KTN1: variants seen among roughly 807,000 people sequenced by gnomAD.
The protein encoded by KTN1 is kinectin 1.
Under a neutral mutation model 222.5 loss-of-function variants are expected in KTN1, and 130 were observed. That is an observed-to-expected ratio of 0.58 (90% CI 0.51 to 0.68). The LOEUF is 0.68. KTN1 is among the 30% of genes least tolerant of loss of function. KTN1 has a pLI of 0.00. For synonymous variants in KTN1, 512 were observed against 496.3 expected, an observed-to-expected ratio of 1.03 and a Z score of -0.42; for missense variants, 1,508 against 1,500.4, an observed-to-expected ratio of 1.01 and a Z score of -0.08.
chr14:55,616,955 A>G (rs768989992), intron 3 of KTN1, among the ~76,000 whole-genome samples: 14 of 152,230 alleles, frequency 9.2e-5, no homozygotes, highest in African/African-American at 1.7e-4. Context: ...GAAGAAAAAC[A>G]TTCTTGAAAT....
intron 1 of KTN1, 92 bp downstream of exon 1, chr14:55,580,446 AGGGCCGCGCCGGGCGGGG>A (rs1042853603): frequency 6.2e-5 from 9 of 145,328 alleles, no homozygotes; most frequent in Non-Finnish European, 9.2e-5. Flanking sequence ...GGCAGGCGGG[AGGGCCGCGCCGGGCGGGG>A]GGGCGCGGCC....
Position 55,667,250 on chromosome 14 carries a change from C to T in KTN1, c.3187C>T (p.Gln1063Ter). ...KVNKTSKERQ[Q>*]QVEAVELEAK... is the part of the protein sequence containing the mutation. ...TCATCTTCTGCTTTAGGAAAGGCAG[C>T]AACAGGTGGAAGCTGTTGAGTTGGA... is the stretch of plus-strand genomic sequence containing the variant. The change falls in exon 34 of 44, where the codon CAA becomes TAA. Residue 1063 changes from glutamine (Q) to a stop codon, truncating the protein, a stop_gained. Transcript: ENST00000395314. LOFTEE classifies it high-confidence loss of function. 6.3e-7 allele frequency: 1 copy of T among 1,596,966 alleles called. No individual in the cohort carries two copies.
rs149142570 is a variant in KTN1 at position 55,651,511 on chromosome 14, A to C, written c.2566-379A>C. ...GAGGTGTGTGGAGAGTTAATATTCT[A>C]ATTTTCAGTACTGTAGAAGTATGAC... On this transcript the variant is annotated intron_variant, in intron 24 of 43. Transcript: ENST00000395314. 3.2e-5 allele frequency: 12 copies of C among 378,988 alleles called. No individual in the cohort carries two copies. In the East Asian group the frequency reaches 6.9e-4, roughly 22 times the overall value. 23.5% of individuals were successfully genotyped at this position (378,988 alleles called of 1,614,324 possible).
At chr14:55,629,537 T>C (rs2040273289) in intron 6 of KTN1, among the ~76,000 whole-genome samples, 1 of 152,188 alleles carries the variant, frequency 6.6e-6, no homozygotes, top group Admixed American at 6.5e-5. Flanking sequence ...CCCTATTTTT[T>C]TCCCTTAGGA....
At position 55,640,020 on chromosome 14, in the gene KTN1, A is replaced by T; in HGVS notation, c.1914+17A>T. On this transcript the variant is annotated intron_variant, in intron 14 of 43. Transcript: ENST00000395314. ...GAACTTAAGGTATAGTAATTTGTATAAATGGCTGCAATATTTTACAGAACT... is the reference window on the plus strand; with the variant it reads ...GAACTTAAGGTATAGTAATTTGTATTAATGGCTGCAATATTTTACAGAACT... 7.3e-7 allele frequency: 1 copy of T among 1,375,680 alleles called. No individual in the cohort carries two copies. The highest frequency in any genetic ancestry group is 1.0e-6 in the Non-Finnish European group (1 of 967,370). The allele number at this position is 1,375,680 out of a possible 1,614,324, so 85.2% of individuals were successfully genotyped here. A position where few individuals can be genotyped will look rare whatever the true frequency, so the allele number is the denominator to read the frequency against.
intron 29 of KTN1, 53 bp downstream of exon 29, chr14:55,656,185 C>A: frequency 7.9e-7 from 1 of 1,271,566 alleles, no homozygotes; most frequent in Non-Finnish European, 1.1e-6. Context: ...TCTTTGCATG[C>A]TTTAAAATAA....
chr14:55,631,617 A>G (rs1001829098), intron 7 of KTN1, among the ~76,000 whole-genome samples: 2 of 152,032 alleles, frequency 1.3e-5, no homozygotes, highest in South Asian at 2.1e-4. Flanking sequence ...ACCCCATTCT[A>G]TAAAAAAATT....
intron 1 of KTN1, among the ~76,000 whole-genome samples, chr14:55,604,208 G>A (rs192607475): frequency 6.5e-4 from 99 of 152,126 alleles, no homozygotes; most frequent in African/African-American, 2.2e-3. Flanking sequence ...CATTCTACCC[G>A]AACCACGTTG....
chr14:55,635,725 A>G (rs902279565), intron 9 of KTN1, among the ~76,000 whole-genome samples: 2 of 152,238 alleles, frequency 1.3e-5, no homozygotes, highest in South Asian at 4.1e-4. Flanking sequence ...ATTTGTTGAA[A>G]GTATAGTTCA....
chr14:55,614,223 A>G (rs1044111889), intron 2 of KTN1, among the ~76,000 whole-genome samples: 9 of 152,196 alleles, frequency 5.9e-5, no homozygotes, highest in Middle Eastern at 3.2e-3. Flanking sequence ...GTTTAGTTAC[A>G]TGGTCATATT....
intron 5 of KTN1, among the ~76,000 whole-genome samples, chr14:55,620,818 C>T (rs1487740534): frequency 6.6e-6 from 1 of 152,192 alleles, no homozygotes; most frequent in East Asian, 1.9e-4. Flanking sequence ...GAGACATTTT[C>T]TCCATTGTTT....
At position 55,621,209 on chromosome 14, in the gene KTN1, A is replaced by G. The variant is rs2039084725; in HGVS notation, c.963+1897A>G. On this transcript the variant is annotated intron_variant, in intron 5 of 43. Transcript: ENST00000395314. ...CCTGGATTTCATTGCTGGTATCATCATCAGCATTTTGGTCAAAGCTATTCA... is the reference window on the plus strand; with the variant it reads ...CCTGGATTTCATTGCTGGTATCATCGTCAGCATTTTGGTCAAAGCTATTCA... 2.0e-5 allele frequency among the ~76,000 whole-genome samples: 3 copies of G among 152,172 alleles called. No individual in the cohort carries two copies. In the South Asian group the frequency reaches 6.2e-4, roughly 32 times the overall value.
intron 5 of KTN1, among the ~76,000 whole-genome samples, chr14:55,620,598 G>T (rs2039004100): frequency 6.6e-6 from 1 of 152,172 alleles, no homozygotes; most frequent in African/African-American, 2.4e-5. Flanking sequence ...AAGCTGCTAA[G>T]GCTTGGGGCT....
At chr14:55,662,815 C>T in intron 32 of KTN1, 1 of 454,602 alleles carries the variant, frequency 2.2e-6, no homozygotes, top group Non-Finnish European at 4.4e-6. Flanking sequence ...ACAGTACTAA[C>T]AGCATTGCTT....
At chr14:55,601,963 C>T (rs1217739453) in intron 1 of KTN1, 1 of 152,184 alleles carries the variant, frequency 6.6e-6, no homozygotes, top group African/African-American at 2.4e-5. Context: ...TCTTAAACTC[C>T]TGCCTCAAGT....
intron 23 of KTN1, 47 bp downstream of exon 23, chr14:55,650,465 T>G (rs1368189084): frequency 6.6e-7 from 1 of 1,511,526 alleles, no homozygotes; most frequent in Non-Finnish European, 9.1e-7. Context: ...TTTATCAACT[T>G]TAGTTAATAT....
rs546549878 is a variant in KTN1 at position 55,602,621 on chromosome 14, G to A, written c.-30-9398G>A. ...TTTTGAGAGAGGGTCTCCCTCTGTC[G>A]CCCATGTTAGAGTGCAGAGGTGAAA... On this transcript the variant is annotated intron_variant, in intron 1 of 43. Coordinates refer to ENST00000395314, the MANE Select transcript of KTN1 (RefSeq NM_001079521.2). Among the ~76,000 whole-genome samples, 23 of 149,310 alleles carry A rather than the reference G, an allele frequency of 1.5e-4. No homozygotes were observed. The South Asian group carries it at 1.9e-3, about 12-fold the overall frequency.
chr14:55,606,860 C>A (rs1054231670), intron 1 of KTN1, among the ~76,000 whole-genome samples: 10 of 152,148 alleles, frequency 6.6e-5, no homozygotes, highest in African/African-American at 2.2e-4. Flanking sequence ...TAGGTATCAT[C>A]TATGAGTGTA....
intron 40 of KTN1, chr14:55,675,149 G>A (rs776989411): frequency 5.9e-5 from 9 of 152,188 alleles, no homozygotes; most frequent in Non-Finnish European, 1.3e-4. Context: ...ATTACCTTAT[G>A]AGAATAAGAA....
Sources: gnomAD v4.1 joint callset for allele counts (sites outside exome capture counted in the v4.1 genomes callset) on GRCh38, gnomAD v4.1.1 for gene constraint, MANE v1.5 for transcripts, NCBI Gene and HGNC (gene_info 2026-07-23, HGNC 2026-07-21) for gene names.